The following XDH variants were observed in gnomAD, a reference collection of about 807,000 sequenced individuals.
XDH encodes the protein xanthine dehydrogenase/oxidase.
Under a neutral mutation model 156.1 loss-of-function variants are expected in XDH, and 138 were observed. The observed-to-expected ratio is 0.88, with a 90% confidence interval of 0.77 to 1.02. The LOEUF (loss-of-function observed/expected upper bound fraction) is 1.02. XDH is among the 50% of genes least tolerant of loss of function. XDH has a pLI of 0.00. For synonymous variants in XDH, 669 were observed against 625.7 expected, an observed-to-expected ratio of 1.07 and a Z score of -1.03; for missense variants, 1,849 against 1,684.9, an observed-to-expected ratio of 1.10 and a Z score of -1.71.
chr2:31,366,126 G>C lies in XDH; in HGVS notation c.2323-17C>G. On this transcript the variant is annotated splice_polypyrimidine_tract_variant and intron_variant, in intron 21 of 35. Transcript: ENST00000379416. ...AACAAAGCTCTGTGAGTGAAAGACA[G>C]AACATTCGCACTGAATGCATTACCT... 1 of 1,614,246 alleles carries C rather than the reference G, an allele frequency of 6.2e-7. No homozygotes were observed. The highest frequency in any genetic ancestry group is 8.5e-7 in the Non-Finnish European group (1 of 1,180,052).
intron 17 of XDH, among the ~76,000 whole-genome samples, chr2:31,371,388 G>A (rs1056553374): frequency 6.6e-6 from 1 of 152,214 alleles, no homozygotes; most frequent in African/African-American, 2.4e-5. Flanking sequence ...CACTAAGCCA[G>A]AAAGCAGTGT....
chr2:31,385,762 T>C (rs1020242614), intron 9 of XDH, among the ~76,000 whole-genome samples: 20 of 152,214 alleles, frequency 1.3e-4, no homozygotes, highest in African/African-American at 4.6e-4. Context: ...TCCTAGGTGG[T>C]AGCACTGACA....
At chr2:31,337,218 A>T (rs137870394) in intron 35 of XDH, among the ~76,000 whole-genome samples, 2 of 152,208 alleles carry the variant, frequency 1.3e-5, no homozygotes, top group East Asian at 3.9e-4. Flanking sequence ...TGGTTGATCT[A>T]ATTAATTATT....
rs1684957947 is a variant in XDH, at chr2:31,335,884, G to A, written c.*74C>T. ...CATTCTGTGACTTTAATAGATCCAT[G>A]TTCTGTGGTATGTTCCTCCTGCTCC... is the stretch of plus-strand genomic sequence containing the variant. On this transcript the variant is annotated 3_prime_UTR_variant, in exon 36 of 36. Transcript: ENST00000379416. 3.9e-6 allele frequency: 6 copies of A among 1,519,382 alleles called. No individual in the cohort carries two copies. The African/African-American group carries it at 8.2e-5, about 21-fold the overall frequency. 94.1% of individuals were successfully genotyped at this position (1,519,382 alleles called of 1,614,324 possible). A position where few individuals can be genotyped will look rare whatever the true frequency, so the allele number is the denominator to read the frequency against.
intron 3 of XDH, among the ~76,000 whole-genome samples, chr2:31,402,790 G>A (rs539371711): frequency 6.6e-6 from 1 of 152,264 alleles, no homozygotes; most frequent in African/African-American, 2.4e-5. Context: ...AGCTATTGAA[G>A]GGCTTTATGG....
intron 31 of XDH, among the ~76,000 whole-genome samples, chr2:31,343,305 TATA>T (rs1685177058): frequency 1.7e-4 from 17 of 101,032 alleles, no homozygotes; most frequent in Non-Finnish European, 4.1e-5. Context: ...TATATATATA[TATA>T]TATATATATA....
intron 30 of XDH, 63 bp from the exon 31 acceptor site, chr2:31,344,799 C>T: frequency 6.3e-7 from 1 of 1,578,280 alleles, no homozygotes; most frequent in Non-Finnish European, 8.7e-7. Context: ...TGACCTGCCA[C>T]TAAGCTTTCA....
At position 31,348,282 on chromosome 2, in the gene XDH, T is replaced by C. The variant is rs142402298; in HGVS notation, c.3133A>G (p.Thr1045Ala). The C allele has an allele frequency of 1.3e-4, 206 of 1,614,052 alleles. No homozygotes were observed. Among genetic ancestry groups the C allele is most frequent in the Non-Finnish European group, 1.7e-4 (200 of 1,180,034 alleles). Residue 1045 changes from threonine (T) to alanine (A), a missense_variant, in exon 28 of 36, where the codon ACC becomes GCC. Physicochemically the swap from Thr to Ala is moderately conservative, Grantham distance 58. Coordinates refer to ENST00000379416, the MANE Select transcript of XDH (RefSeq NM_000379.4). ...GGTEMGQGLH[T>A]KMVQVASRAL... is the part of the protein sequence containing the mutation. ...GGGCTGCTCACCTGGACCATTTTGG[T>C]ATGAAGGCCTTGGCCCATCTCAGTC...
intron 35 of XDH, among the ~76,000 whole-genome samples, chr2:31,336,296 T>C (rs915086549): frequency 5.3e-5 from 8 of 152,196 alleles, no homozygotes; most frequent in African/African-American, 1.9e-4. Context: ...CCTTAAAAAG[T>C]TCATAGAATC....
At chr2:31,369,891 T>C (rs1048592402) in intron 18 of XDH, among the ~76,000 whole-genome samples, 7 of 152,246 alleles carry the variant, frequency 4.6e-5, no homozygotes, top group African/African-American at 1.7e-4. Context: ...TAAGGACTTT[T>C]GTAGCAGCTG....
At chr2:31,385,615 G>A (rs1463699023) in intron 9 of XDH, among the ~76,000 whole-genome samples, 2 of 152,220 alleles carry the variant, frequency 1.3e-5, no homozygotes, top group Admixed American at 6.5e-5. Flanking sequence ...CAGCAAAGTA[G>A]AAATAGGCCA....
intron 1 of XDH, among the ~76,000 whole-genome samples, chr2:31,410,093 A>C (rs1030728507): frequency 1.3e-5 from 2 of 152,208 alleles, no homozygotes; most frequent in Admixed American, 6.5e-5. Context: ...GCTACAACAT[A>C]GGTGAACATT....
At chr2:31,349,898 A>G in intron 25 of XDH, 67 bp from the exon 26 acceptor site, 1 of 1,612,178 alleles carries the variant, frequency 6.2e-7, no homozygotes, top group Non-Finnish European at 8.5e-7. Flanking sequence ...GGCACAACCT[A>G]AAGTTAAGCT....
intron 23 of XDH, among the ~76,000 whole-genome samples, chr2:31,364,865 C>T (rs1268830675): frequency 3.3e-5 from 5 of 152,114 alleles, no homozygotes; most frequent in Non-Finnish European, 7.3e-5. Context: ...TGTTCAAGGC[C>T]AATTCATGGA....
chr2:31,398,447 T>A, intron 5 of XDH, 126 bp downstream of exon 5: 2 of 1,545,048 alleles, frequency 1.3e-6, no homozygotes, highest in Non-Finnish European at 1.8e-6. Flanking sequence ...GTCACCACCT[T>A]GTTGGGGGGC....
chr2:31,367,937 C>T (rs781549767), intron 20 of XDH, 24 bp downstream of exon 20: 2 of 1,609,004 alleles, frequency 1.2e-6, no homozygotes, highest in South Asian at 1.1e-5. Context: ...ACCCCATTCC[C>T]ACTGCGGCAT....
intron 32 of XDH, 44 bp from the exon 33 acceptor site, chr2:31,341,438 A>G: frequency 6.5e-7 from 1 of 1,541,516 alleles, no homozygotes; most frequent in East Asian, 2.4e-5. Flanking sequence ...GGAGGAAAAG[A>G]TGTTTGGAAT....
rs920702052 is a variant in XDH, at chr2:31,349,779, T to C, written c.2876A>G (p.Lys959Arg). The change falls in exon 26 of 36, where the codon AAG (lysine) becomes AGG (arginine). Residue 959 changes from lysine to arginine, a missense_variant. Transcript: ENST00000379416. ...TCTGGGCAAGGTGAAACCCTCAAGC[T>C]TCTGGTTGAAGTGTGTCAGGTCCCC... is the stretch of plus-strand genomic sequence containing the variant. Reference protein sequence around the residue: ...KEGDLTHFNQKLEGFTLPRCW... With the variant: ...KEGDLTHFNQRLEGFTLPRCW... 1.2e-6 allele frequency: 2 copies of C among 1,614,176 alleles called. No homozygotes were observed. Among genetic ancestry groups the C allele is most frequent in the Non-Finnish European group, 1.7e-6 (2 of 1,180,034 alleles).
chr2:31,381,027 A>T (rs1356791956), intron 12 of XDH, among the ~76,000 whole-genome samples: 1 of 151,974 alleles, frequency 6.6e-6, no homozygotes, highest in African/African-American at 2.4e-5. Context: ...ACAGGGTCTC[A>T]CTCTGTCACC....
Sources: gnomAD v4.1 joint callset for allele counts (sites outside exome capture counted in the v4.1 genomes callset) on GRCh38, gnomAD v4.1.1 for gene constraint, MANE v1.5 for transcripts, NCBI Gene and HGNC (gene_info 2026-07-23, HGNC 2026-07-21) for gene names.